IDE: variants seen among roughly 807,000 people sequenced by gnomAD.
IDE encodes insulin degrading enzyme, also known as insulin-degrading enzyme.
IDE carries 58 observed loss-of-function variants against 133.2 expected under a neutral mutation model. The ratio of observed to expected loss-of-function variants is 0.44; its 90% CI spans 0.35 to 0.54. IDE has a LOEUF of 0.54. Among genes scored for constraint, IDE ranks in the 20% least tolerant of loss-of-function variants. IDE has a pLI of 0.00. For missense variants in IDE, 981 were observed against 1,234.0 expected (o/e 0.79, Z 3.07); for synonymous variants, 396 against 421.3 (o/e 0.94, Z 0.73).
At chr10:92,526,123 A>T (rs1849611589) in intron 4 of IDE, among the ~76,000 whole-genome samples, 1 of 151,594 alleles carries the variant, frequency 6.6e-6, no homozygotes, top group African/African-American at 2.4e-5. Context: ...ACTGCACTCC[A>T]GCCTGGGAGA....
chr10:92,486,679 G>C (rs1230408011), intron 13 of IDE, among the ~76,000 whole-genome samples: 1 of 152,124 alleles, frequency 6.6e-6, no homozygotes, highest in Non-Finnish European at 1.5e-5. Context: ...AGGACATTCT[G>C]AAAAAGATGG....
At chr10:92,495,016 G>A (rs920584497) in intron 11 of IDE, among the ~76,000 whole-genome samples, 29 of 152,048 alleles carry the variant, frequency 1.9e-4, no homozygotes, top group Admixed American at 1.5e-3. Context: ...ATCTAAGTTA[G>A]GCACAAGCCA....
rs1057078117 is a variant in IDE at position 92,454,391 on chromosome 10, T to G, written c.*53A>C. ...AGTGGCCAAGATGATTTTCTTAGGC[T>G]CTGGAAGACTCAGGAATGCATCCAC... On this transcript the variant is annotated 3_prime_UTR_variant, in exon 25 of 25. Coordinates refer to ENST00000265986, the MANE Select transcript of IDE (RefSeq NM_004969.4). 4 of 1,202,278 alleles carry G rather than the reference T, an allele frequency of 3.3e-6. No homozygotes were observed. Among genetic ancestry groups the G allele is most frequent in the Non-Finnish European group, 5.0e-6 (4 of 804,088 alleles). 74.5% of individuals were successfully genotyped at this position (1,202,278 alleles called of 1,614,324 possible). A position where few individuals can be genotyped will look rare whatever the true frequency, so the allele number is the denominator to read the frequency against.
intron 7 of IDE, among the ~76,000 whole-genome samples, 167 bp from the exon 8 acceptor site, chr10:92,508,372 C>T (rs186591829): frequency 2.3e-3 from 351 of 152,074 alleles, no homozygotes; most frequent in Non-Finnish European, 3.4e-3. Context: ...TAAGATGGTG[C>T]AGAAGTGGGG....
At chr10:92,461,977 C>A (rs1845418034) in intron 21 of IDE, among the ~76,000 whole-genome samples, 1 of 152,124 alleles carries the variant, frequency 6.6e-6, no homozygotes, top group South Asian at 2.1e-4. Context: ...CCTAGCCAAG[C>A]ATCCACATTT....
rs562138588 is a variant in IDE at position 92,527,291 on chromosome 10, A to G, written c.661+4457T>C. Among the ~76,000 whole-genome samples, 6 of 152,256 alleles carry G rather than the reference A, an allele frequency of 3.9e-5. No individual in the cohort carries two copies. The East Asian group carries it at 1.2e-3, about 29-fold the overall frequency. ...GTTTGTGGATGTTTCCAGGGCCTAT[A>G]ATCTGTTCTACTTGTATCTTCATGC... On this transcript the variant is annotated intron_variant, in intron 4 of 24. Coordinates refer to ENST00000265986, the MANE Select transcript of IDE (RefSeq NM_004969.4).
At chr10:92,539,189 CTT>C (rs879745601) in intron 1 of IDE, among the ~76,000 whole-genome samples, 1 of 145,330 alleles carries the variant, frequency 6.9e-6, no homozygotes. Context: ...TCCCCTAGAT[CTT>C]TTTTTTTTTT....
At chr10:92,458,547 G>C in intron 22 of IDE, among the ~76,000 whole-genome samples, 1 of 137,398 alleles carries the variant, frequency 7.3e-6, no homozygotes, top group East Asian at 2.2e-4. Flanking sequence ...TGTCGCCCAG[G>C]CTGGAGTGCA....
chr10:92,553,614 A>G lies in IDE; in HGVS notation c.99-16064T>C, dbSNP rs191178338. ...AAACATTTAGCCAGACTAAGAAAAAAAGAGAGACAACACAAAATCAGAGAT... is the reference window on the plus strand; with the variant it reads ...AAACATTTAGCCAGACTAAGAAAAAGAGAGAGACAACACAAAATCAGAGAT... On this transcript the variant is annotated intron_variant, in intron 1 of 24. Transcript: ENST00000265986. Among the ~76,000 whole-genome samples, 4 of 152,202 alleles carry G rather than the reference A, an allele frequency of 2.6e-5. No individual in the cohort carries two copies. In the East Asian group the frequency reaches 7.7e-4, roughly 29 times the overall value.
At chr10:92,507,772 G>C in intron 8 of IDE, 106 bp from the exon 9 acceptor site, 1 of 726,920 alleles carries the variant, frequency 1.4e-6, no homozygotes, top group Non-Finnish European at 2.5e-6. Context: ...GTCCCTCTTA[G>C]AAAATGCAGT....
intron 21 of IDE, among the ~76,000 whole-genome samples, chr10:92,462,317 TAA>T (rs57235158): frequency 2.9e-4 from 22 of 75,158 alleles, no homozygotes; most frequent in Middle Eastern, 0.013. Context: ...AACTGTCTCA[TAA>T]AAAAAAAAAA....
In IDE at chr10:92,510,178, C is replaced by A. The variant is rs753870642; in HGVS notation, c.785-16G>T. On this transcript the variant is annotated splice_polypyrimidine_tract_variant and intron_variant, in intron 5 of 24. Coordinates refer to ENST00000265986, the MANE Select transcript of IDE (RefSeq NM_004969.4). ...TCTAAAGATTCTACAAGAAAACAGA[C>A]AAGGAAAACAGAACTTAAGCGAATC... 5 of 1,290,512 alleles carry A rather than the reference C, an allele frequency of 3.9e-6. No individual in the cohort carries two copies. Among genetic ancestry groups the A allele is most frequent in the South Asian group, 2.5e-5 (2 of 81,308 alleles). 79.9% of individuals were successfully genotyped at this position (1,290,512 alleles called of 1,614,324 possible).
intron 11 of IDE, among the ~76,000 whole-genome samples, chr10:92,491,962 T>C (rs1003776679): frequency 2.6e-5 from 4 of 151,798 alleles, no homozygotes; most frequent in Non-Finnish European, 5.9e-5. Context: ...AGAAGTCAGA[T>C]GGAAAAAAGT....
intron 11 of IDE, among the ~76,000 whole-genome samples, chr10:92,500,110 C>T (rs570056171): frequency 1.2e-3 from 183 of 152,176 alleles, no homozygotes; most frequent in African/African-American, 4.2e-3. Context: ...CCAGCCTGAC[C>T]AACATGGAGA....
At position 92,566,413 on chromosome 10, in the gene IDE, T is replaced by TCTCA. The variant is rs777335340; in HGVS notation, c.98+7508_98+7509insTGAG. Among the ~76,000 whole-genome samples the TCTCA allele has an allele frequency of 5.7e-3, 784 of 137,614 alleles. 2 individuals are homozygous for TCTCA. Among genetic ancestry groups the TCTCA allele is most frequent in the African/African-American group, 0.011 (398 of 36,100 alleles). 90.3% of individuals were successfully genotyped at this position (137,614 alleles called of 152,430 possible). ...ATCTCTCTCTCTCTCTCTCTCTCTC[T>TCTCA]CACACACACACACACACACACACAC... On this transcript the variant is annotated intron_variant, in intron 1 of 24. Coordinates refer to ENST00000265986, the MANE Select transcript of IDE (RefSeq NM_004969.4).
At chr10:92,507,945 C>T (rs573555810) in intron 8 of IDE, among the ~76,000 whole-genome samples, 168 bp downstream of exon 8, 5 of 152,300 alleles carry the variant, frequency 3.3e-5, no homozygotes, top group Non-Finnish European at 5.9e-5. Flanking sequence ...GGGGAAGAAT[C>T]ATCCATGAAA....
chr10:92,481,812 T>C (rs1405171138), intron 14 of IDE, among the ~76,000 whole-genome samples: 1 of 152,150 alleles, frequency 6.6e-6, no homozygotes, highest in Non-Finnish European at 1.5e-5. Context: ...GCTAGGCAGT[T>C]TAGAGAACAC....
At chr10:92,545,919 A>G (rs2135735992) in intron 1 of IDE, among the ~76,000 whole-genome samples, 1 of 152,316 alleles carries the variant, frequency 6.6e-6, no homozygotes, top group African/African-American at 2.4e-5. Context: ...TGACCTAACA[A>G]TGCTAGTAAC....
intron 4 of IDE, among the ~76,000 whole-genome samples, chr10:92,528,620 A>G (rs1382320904): frequency 2.0e-5 from 3 of 152,232 alleles, no homozygotes; most frequent in Non-Finnish European, 4.4e-5. Context: ...GTATACAAAA[A>G]AGAGTTTGAA....
Sources: allele counts gnomAD v4.1 joint callset (sites outside exome capture counted in the v4.1 genomes callset), GRCh38; gene constraint gnomAD v4.1.1; transcripts MANE v1.5; gene names NCBI Gene and HGNC (gene_info 2026-07-23, HGNC 2026-07-21).